Variants in ATP1A3 observed in about 807,000 individuals in gnomAD.
ATP1A3 encodes the protein sodium/potassium-transporting ATPase subunit alpha-3.
Under a neutral mutation model 108.8 loss-of-function variants are expected in ATP1A3, and 12 were observed. The observed-to-expected ratio is 0.11, with a 90% CI of 0.07 to 0.18. ATP1A3 has a LOEUF of 0.18. Ranked by LOEUF, ATP1A3 falls within the 10% of genes least tolerant of loss-of-function variation. The pLI is 1.00. For synonymous variants in ATP1A3, 539 were observed against 564.5 expected, an observed-to-expected ratio of 0.95 and a Z score of 0.64; for missense variants, 498 against 1,387.7, an observed-to-expected ratio of 0.36 and a Z score of 10.19.
intron 11 of ATP1A3, among the ~76,000 whole-genome samples, chr19:41,980,377 G>T (rs373539616): frequency 6.6e-6 from 1 of 152,294 alleles, no homozygotes; most frequent in South Asian, 2.1e-4. Context: ...ACTTTGGGAG[G>T]CCGAGGTGGG....
chr19:41,990,730 G>A (rs1160722482), intron 1 of ATP1A3, among the ~76,000 whole-genome samples: 1 of 137,978 alleles, frequency 7.2e-6, no homozygotes, highest in Non-Finnish European at 1.6e-5. Flanking sequence ...TCTCTCTTTC[G>A]CTGTCTGTCT....
rs782250510 is a variant in ATP1A3 at position 41,967,209 on chromosome 19, G to GC, written c.3013+39dup. 8 of 1,613,238 alleles carry GC rather than the reference G, an allele frequency of 5.0e-6. No homozygotes were observed. The highest frequency in any genetic ancestry group is 1.7e-5 in the Admixed American group (1 of 59,898). ...GGGACCAGCTGCCTGAGACCCTGCT[G>GC]CCCCCCGCCCCCCTCGGCTGCCTTG... is the stretch of plus-strand genomic sequence containing the variant. On this transcript the variant is annotated intron_variant, in intron 22 of 22. Coordinates refer to ENST00000648268, the MANE Select transcript of ATP1A3 (RefSeq NM_152296.5). The surrounding 1 kb of genome is among the most constrained non-coding windows in gnomAD (Gnocchi z 4.2).
chr19:41,988,654 TC>T lies in ATP1A3; in HGVS notation c.7-93del, dbSNP rs1423953448. 4.3e-5 allele frequency: 69 copies of T among 1,607,956 alleles called. No homozygotes were observed. The highest frequency in any genetic ancestry group is 1.7e-4 in the Middle Eastern group (1 of 6,034). ...ACACCGGCCCTCCATGCCCCAGCTA[TC>T]CTCCTGGCCGGTGCCCCTGCATCTC... On this transcript the variant is annotated intron_variant, in intron 1 of 22. Coordinates refer to ENST00000648268, the MANE Select transcript of ATP1A3 (RefSeq NM_152296.5). The surrounding 1 kb of genome is among the most constrained non-coding windows in gnomAD (Gnocchi z 5.3).
At chr19:41,977,813 G>T in intron 14 of ATP1A3, 123 bp downstream of exon 14, 1 of 1,437,656 alleles carries the variant, frequency 7.0e-7, no homozygotes, top group Non-Finnish European at 9.4e-7. Flanking sequence ...CCAGGGCCTG[G>T]TCCATGGAGG....
At chr19:41,987,483 C>T (rs1341105853) in intron 4 of ATP1A3, among the ~76,000 whole-genome samples, 2 of 152,122 alleles carry the variant, frequency 1.3e-5, no homozygotes, top group Non-Finnish European at 2.9e-5. Context: ...ACACGCCTAC[C>T]CAGGTGAGCA....
At chr19:41,986,450 A>ATT in intron 4 of ATP1A3, 3 of 414,236 alleles carry the variant, frequency 7.2e-6, no homozygotes, top group Admixed American at 3.7e-5. Flanking sequence ...GGGTCTGTCG[A>ATT]TTTTTTTTTT....
rs782112142 is a variant in ATP1A3 at position 41,986,082 on chromosome 19, AC to A, written c.471+33del. On this transcript the variant is annotated intron_variant, in intron 5 of 22. Coordinates refer to ENST00000648268, the MANE Select transcript of ATP1A3 (RefSeq NM_152296.5). Reference sequence around the variant, plus strand: ...CCCGGCCCCCAGCCCATACACTAACACCCCCGTCTGGCCCCTTGCTGGGCAC... The same window carrying A: ...CCCGGCCCCCAGCCCATACACTAACACCCCGTCTGGCCCCTTGCTGGGCAC... The A allele has an allele frequency of 9.2e-5, 148 of 1,612,326 alleles. 1 individual carries two copies. The South Asian group carries it at 1.6e-3, about 17-fold the overall frequency.
Position 41,968,933 on chromosome 19 carries a change from A to G in ATP1A3, c.2689-18T>C. The G allele has an allele frequency of 6.2e-7, 1 of 1,613,512 alleles. No individual in the cohort carries two copies. Among genetic ancestry groups the G allele is most frequent in the Non-Finnish European group, 8.5e-7 (1 of 1,179,620 alleles). ...TCGTATGTCTGCAGGAGCGGTGACC[A>G]GGGCACGGGACGTCAGTTAGTGGCA... is the stretch of plus-strand genomic sequence containing the variant. On this transcript the variant is annotated intron_variant, in intron 19 of 22. Coordinates refer to ENST00000648268, the MANE Select transcript of ATP1A3 (RefSeq NM_152296.5). This position sits in a 1 kb window ranked among gnomAD's most constrained non-coding sequence, Gnocchi z 5.0.
chr19:41,988,873 G>GTGTTTCAGTCTCTCTC lies in ATP1A3; in HGVS notation c.7-327_7-312dup, dbSNP rs1220343784. ...GAAGGTCCCTGTCTGGCTTCTGCCT[G>GTGTTTCAGTCTCTCTC]TGTTTCAGTCTCTCTCTGTTTCTGT... On this transcript the variant is annotated intron_variant, in intron 1 of 22. Coordinates refer to ENST00000648268, the MANE Select transcript of ATP1A3 (RefSeq NM_152296.5). The surrounding 1 kb of genome is among the most constrained non-coding windows in gnomAD (Gnocchi z 5.3). Among the ~76,000 whole-genome samples the GTGTTTCAGTCTCTCTC allele has an allele frequency of 6.6e-6, 1 of 152,180 alleles. No homozygotes were observed. The highest frequency in any genetic ancestry group is 6.5e-5 in the Admixed American group (1 of 15,278).
At position 41,988,395 on chromosome 19, in the gene ATP1A3, G is replaced by T; in HGVS notation, c.94-18C>A. On this transcript the variant is annotated intron_variant, in intron 2 of 22. Coordinates refer to ENST00000648268, the MANE Select transcript of ATP1A3 (RefSeq NM_152296.5). The surrounding 1 kb of genome is among the most constrained non-coding windows in gnomAD (Gnocchi z 5.3). ...TGCTCTGTCTGAGGAACAGGAGTTT[G>T]GGGGAGACGGTGAGTGCCTAGGCCA... The T allele has an allele frequency of 6.2e-7, 1 of 1,614,192 alleles. No individual in the cohort carries two copies. Among genetic ancestry groups the T allele is most frequent in the Non-Finnish European group, 8.5e-7 (1 of 1,180,032 alleles).
chr19:41,973,817 A>G (rs2075138069), intron 16 of ATP1A3, among the ~76,000 whole-genome samples: 1 of 152,222 alleles, frequency 6.6e-6, no homozygotes, highest in African/African-American at 2.4e-5. Context: ...AGACGGCTGT[A>G]TCTGAGACAG....
At chr19:41,972,940 G>T (rs1241152682) in intron 16 of ATP1A3, among the ~76,000 whole-genome samples, 1 of 152,088 alleles carries the variant, frequency 6.6e-6, no homozygotes, top group Non-Finnish European at 1.5e-5. Flanking sequence ...GAAGCAGGCT[G>T]CCTGTGGTGT....
rs781884071 is a variant in ATP1A3, at chr19:41,981,993, C to T, written c.1107G>A (p.Gly369=). 1 of 1,614,198 alleles carries T rather than the reference C, an allele frequency of 6.2e-7. No homozygotes were observed. The highest frequency in any genetic ancestry group is 8.5e-7 in the Non-Finnish European group (1 of 1,180,032). ...STSTICSDKT[G]TLTQNRMTVA... ...CTGTCATGCGGTTCTGAGTGAGGGT[C>T]CCTGTCTTATCTGAGCAGATGGTGG... The change falls in exon 9 of 23, where the codon GGG becomes GGA. Residue 369 remains glycine (G), a synonymous_variant. Transcript: ENST00000648268. This position sits in a 1 kb window ranked among gnomAD's most constrained non-coding sequence, Gnocchi z 5.0.
chr19:41,967,237 G>T lies in ATP1A3; in HGVS notation c.3013+12C>A. ...CCCCGCCCCCCTCGGCTGCCTTGCC[G>T]AGCTCCCTCACCCCCTGGGTTCCTG... is the stretch of plus-strand genomic sequence containing the variant. On this transcript the variant is annotated intron_variant, in intron 22 of 22. Transcript: ENST00000648268. The surrounding 1 kb of genome is among the most constrained non-coding windows in gnomAD (Gnocchi z 4.2). The T allele has an allele frequency of 6.2e-7, 1 of 1,613,996 alleles. No homozygotes were observed. The highest frequency in any genetic ancestry group is 8.5e-7 in the Non-Finnish European group (1 of 1,179,986).
chr19:41,984,425 A>G (rs2075266722), intron 8 of ATP1A3: 1 of 159,438 alleles, frequency 6.3e-6, no homozygotes, highest in African/African-American at 2.4e-5. Flanking sequence ...GGGTTTCACC[A>G]TGTTGGCCAG....
At chr19:41,975,542 C>A in intron 16 of ATP1A3, 87 bp downstream of exon 16, 2 of 1,565,260 alleles carry the variant, frequency 1.3e-6, no homozygotes. Flanking sequence ...TGCCACACAT[C>A]CCCCTGCAGC....
chr19:41,984,166 C>T (rs1471164572), intron 8 of ATP1A3: 1 of 152,018 alleles, frequency 6.6e-6, no homozygotes, highest in Non-Finnish European at 1.5e-5. Flanking sequence ...CTCAGCCTCC[C>T]AAACTGTTGG....
chr19:41,994,101 C>A lies in ATP1A3; in HGVS notation c.-25G>T. The A allele has an allele frequency of 6.3e-7, 1 of 1,582,698 alleles. No individual in the cohort carries two copies. Among genetic ancestry groups the A allele is most frequent in the Admixed American group, 1.7e-5 (1 of 57,220 alleles). ...TCTTGGCGGCTCCGCGGCGAGAGAG[C>A]CAGGCGGGCGGGGCGGGGACCTCGG... On this transcript the variant is annotated 5_prime_UTR_variant, in exon 1 of 23. Coordinates refer to ENST00000648268, the MANE Select transcript of ATP1A3 (RefSeq NM_152296.5).
At chr19:41,992,368 G>A (rs2075348774) in intron 1 of ATP1A3, among the ~76,000 whole-genome samples, 1 of 152,126 alleles carries the variant, frequency 6.6e-6, no homozygotes, top group African/African-American at 2.4e-5. Context: ...ACCTCCAAGG[G>A]TGGGGACCAT....
Sources: gnomAD v4.1 joint callset for allele counts (sites outside exome capture counted in the v4.1 genomes callset) on GRCh38, gnomAD v4.1.1 for gene constraint, Gnocchi (gnomAD v3.1) non-coding constraint, MANE v1.5 for transcripts, NCBI Gene and HGNC (gene_info 2026-07-23, HGNC 2026-07-21) for gene names.